Variants in SNX29 observed in about 807,000 individuals in gnomAD.
The protein encoded by SNX29 is sorting nexin 29.
In SNX29, 78 loss-of-function variants were observed where a neutral mutation model predicts 102.1. The observed-to-expected ratio is 0.76, with a 90% CI of 0.64 to 0.92. The LOEUF (loss-of-function observed/expected upper bound fraction) is 0.92. SNX29 is among the 40% of genes least tolerant of loss of function. The pLI is 0.00. For synonymous variants in SNX29, 580 were observed against 414.5 expected (o/e 1.40, Z -4.85); for missense variants, 1,280 against 1,061.7 (o/e 1.21, Z -2.86).
chr16:12,312,525 C>T (rs2080591370), intron 15 of SNX29, among the ~76,000 whole-genome samples: 1 of 152,092 alleles, frequency 6.6e-6, no homozygotes, highest in Non-Finnish European at 1.5e-5. Context: ...GCAGGTTTTA[C>T]CCGGAAATAA....
rs758351852 is a variant in SNX29, at chr16:12,182,804, G to T, written c.1596-16797G>T. On this transcript the variant is annotated intron_variant, in intron 13 of 20. Transcript: ENST00000566228. ...AAAAAATTAGCCAGGTGTGGTGGTG[G>T]GCACCTGTAGTCCCAGCTAGTCAGA... Among the ~76,000 whole-genome samples, 27 of 151,918 alleles carry T rather than the reference G, an allele frequency of 1.8e-4. 1 individual carries two copies. In the South Asian group the frequency reaches 4.8e-3, roughly 27 times the overall value.
At chr16:12,316,729 C>T (rs209849) in intron 15 of SNX29, among the ~76,000 whole-genome samples, 66,582 of 151,900 alleles carry the variant, frequency 0.44, 16,165 homozygotes, top group Non-Finnish European at 0.57. Context: ...TCTCTCCCAT[C>T]CCTCCTTCCT....
intron 5 of SNX29, among the ~76,000 whole-genome samples, chr16:12,043,598 C>G (rs2049973403): frequency 6.6e-6 from 1 of 152,098 alleles, no homozygotes; most frequent in East Asian, 1.9e-4. Context: ...TTCAAGTAAT[C>G]TTCCCACCTC....
intron 20 of SNX29, among the ~76,000 whole-genome samples, chr16:12,554,447 C>T (rs779322131): frequency 3.9e-5 from 6 of 152,226 alleles, no homozygotes; most frequent in Admixed American, 3.9e-4. Flanking sequence ...CGCACACCTG[C>T]CATGCCAGGT....
intron 10 of SNX29, among the ~76,000 whole-genome samples, chr16:12,075,587 C>T (rs1397988103): frequency 6.6e-6 from 1 of 152,220 alleles, no homozygotes; most frequent in Non-Finnish European, 1.5e-5. Context: ...GGGGATGCCT[C>T]CGAGTTAGGC....
chr16:12,419,563 C>G (rs1160977263), intron 18 of SNX29, among the ~76,000 whole-genome samples: 2 of 34,132 alleles, frequency 5.9e-5, no homozygotes, highest in Non-Finnish European at 1.6e-4. Flanking sequence ...TCAGACTCAG[C>G]CCCCCCCCCC....
intron 14 of SNX29, among the ~76,000 whole-genome samples, chr16:12,214,786 C>T (rs1485505862): frequency 6.6e-6 from 1 of 152,178 alleles, no homozygotes; most frequent in African/African-American, 2.4e-5. Context: ...CCTCCAGATA[C>T]CCCTGCTCCA....
At chr16:12,535,009 C>T (rs114463784) in intron 20 of SNX29, among the ~76,000 whole-genome samples, 1 of 152,140 alleles carries the variant, frequency 6.6e-6, no homozygotes, top group Non-Finnish European at 1.5e-5. Context: ...CCAGACCTGG[C>T]CTGAGAAGCT....
chr16:12,217,996 C>T lies in SNX29; in HGVS notation c.1678+18313C>T, dbSNP rs568674737. ...TTTCCCATGACTTGTTATCACTTTT[C>T]CCACCTTTTGGGGACAATTTTTAGC... On this transcript the variant is annotated intron_variant, in intron 14 of 20. Transcript: ENST00000566228. Among the ~76,000 whole-genome samples, 160 of 152,306 alleles carry T rather than the reference C, an allele frequency of 1.1e-3. 1 individual carries two copies. Among genetic ancestry groups the T allele is most frequent in the African/African-American group, 3.6e-3 (148 of 41,570 alleles).
chr16:12,391,472 C>A (rs1211094247), intron 16 of SNX29, among the ~76,000 whole-genome samples: 1 of 152,184 alleles, frequency 6.6e-6, no homozygotes, highest in Non-Finnish European at 1.5e-5. Context: ...CATGGTGGAA[C>A]AAAAACTTTC....
At chr16:12,215,955 C>T (rs1371061233) in intron 14 of SNX29, among the ~76,000 whole-genome samples, 2 of 152,100 alleles carry the variant, frequency 1.3e-5, no homozygotes, top group Admixed American at 1.3e-4. Flanking sequence ...AGTTGTGGGG[C>T]CTTGCTTTGG....
At chr16:12,281,946 T>G (rs963417807) in intron 15 of SNX29, among the ~76,000 whole-genome samples, 2 of 151,918 alleles carry the variant, frequency 1.3e-5, no homozygotes, top group African/African-American at 4.8e-5. Flanking sequence ...TAGCCGGTCA[T>G]GGTGGCATAT....
intron 18 of SNX29, among the ~76,000 whole-genome samples, chr16:12,441,450 T>A (rs1423549741): frequency 6.6e-6 from 1 of 152,160 alleles, no homozygotes; most frequent in Admixed American, 6.5e-5. Flanking sequence ...ATTTTTCTTA[T>A]CCATTCATCT....
At position 12,267,955 on chromosome 16, in the gene SNX29, A is replaced by G. The variant is rs140440678; in HGVS notation, c.1679-9978A>G. Among the ~76,000 whole-genome samples the G allele has an allele frequency of 5.3e-5, 8 of 152,134 alleles. No individual in the cohort carries two copies. In the East Asian group the frequency reaches 1.4e-3, roughly 26 times the overall value. On this transcript the variant is annotated intron_variant, in intron 14 of 20. Transcript: ENST00000566228. ...ATGTCTCCCTCCTCCATTATCCTTT[A>G]GCCACATGGGGCCTCCTCACTGTTG...
Position 12,098,680 on chromosome 16 carries a change from C to T in SNX29, c.1402+19765C>T, listed in dbSNP as rs2052875404. 6.6e-6 allele frequency among the ~76,000 whole-genome samples: 1 copy of T among 152,218 alleles called. No individual in the cohort carries two copies. The highest frequency in any genetic ancestry group is 6.5e-5 in the Admixed American group (1 of 15,278). ...ATCCTGTAAGACACAGCTTAGGCGT[C>T]ACCTCCTCCAGACAGACAGACACGT... On this transcript the variant is annotated intron_variant, in intron 11 of 20. Coordinates refer to ENST00000566228, the MANE Select transcript of SNX29 (RefSeq NM_032167.5). The surrounding 1 kb of genome is among the most constrained non-coding windows in gnomAD (Gnocchi z 6.0).
At chr16:12,008,967 C>A (rs2056554180) in intron 3 of SNX29, among the ~76,000 whole-genome samples, 1 of 151,900 alleles carries the variant, frequency 6.6e-6, no homozygotes, top group Non-Finnish European at 1.5e-5. Flanking sequence ...GTCTTAAACA[C>A]CTGACCTCAA....
At chr16:12,219,258 CTTTT>C (rs111884811) in intron 14 of SNX29, among the ~76,000 whole-genome samples, 1 of 144,032 alleles carries the variant, frequency 6.9e-6, no homozygotes. Context: ...TCTACATCAT[CTTTT>C]TTTTTTTTTT....
chr16:12,134,707 A>G (rs1305662416), intron 13 of SNX29, among the ~76,000 whole-genome samples: 1 of 152,196 alleles, frequency 6.6e-6, no homozygotes, highest in Non-Finnish European at 1.5e-5. Flanking sequence ...GGAAACACAC[A>G]GTGGTGTGAC....
intron 13 of SNX29, among the ~76,000 whole-genome samples, chr16:12,174,867 T>C (rs1306608190): frequency 6.6e-6 from 1 of 152,136 alleles, no homozygotes; most frequent in Admixed American, 6.5e-5. Flanking sequence ...TGTTTGGCAT[T>C]TTTGCTCTTT....
Sources: allele counts gnomAD v4.1 joint callset (sites outside exome capture counted in the v4.1 genomes callset), GRCh38; gene constraint gnomAD v4.1.1; non-coding constraint Gnocchi (gnomAD v3.1); transcripts MANE v1.5; gene names NCBI Gene and HGNC (gene_info 2026-07-23, HGNC 2026-07-21).